TACC3: variants seen among roughly 807,000 people sequenced by gnomAD.
TACC3 encodes the protein transforming acidic coiled-coil-containing protein 3.
A neutral mutation model predicts 86.0 loss-of-function variants in TACC3; 52 were observed. The ratio of observed to expected loss-of-function variants is 0.60; its 90% CI spans 0.48 to 0.76. The LOEUF (loss-of-function observed/expected upper bound fraction) is 0.76. Ranked by LOEUF, TACC3 falls within the 30% of genes least tolerant of loss-of-function variation. The pLI, the probability that TACC3 is intolerant of heterozygous loss-of-function variation, is 0.00. For missense variants in TACC3, 1,120 were observed against 1,070.4 expected (o/e 1.05, Z -0.65); for synonymous variants, 512 against 430.0 (o/e 1.19, Z -2.36).
rs200119142 is a variant in TACC3, at chr4:1,744,807, C to T, written c.2426C>T (p.Ser809Leu). 25 of 1,612,914 alleles carry T rather than the reference C, an allele frequency of 1.5e-5. No individual in the cohort carries two copies. The East Asian group carries it at 4.2e-4, about 27-fold the overall frequency. ...AGGAAGGAGCAGATGCGCATCCAGT[C>T]GCTGGAGAAGACAGTGGAGCAGAAG... is the stretch of plus-strand genomic sequence containing the variant. The part of the protein sequence containing the change: ...SLRKEQMRIQ[S>L]LEKTVEQKTK... The change falls in exon 15 of 16, where the codon TCG becomes TTG. Residue 809 changes from serine to leucine, a missense_variant. By Grantham distance (145) the Ser-to-Leu change is moderately radical (BLOSUM62 -2). Coordinates refer to ENST00000313288, the MANE Select transcript of TACC3 (RefSeq NM_006342.3).
chr4:1,745,054 G>C lies in TACC3; in HGVS notation c.*41G>C. On this transcript the variant is annotated 3_prime_UTR_variant, in exon 16 of 16. Coordinates refer to ENST00000313288, the MANE Select transcript of TACC3 (RefSeq NM_006342.3). ...TGTCCCCGCCCCCCTGCTCCCGTCT[G>C]TCTGTCCTGTCTGATTCTCTTAGGT... is the stretch of plus-strand genomic sequence containing the variant. The C allele has an allele frequency of 6.4e-7, 1 of 1,560,872 alleles. No individual in the cohort carries two copies. The highest frequency in any genetic ancestry group is 1.4e-5 in the African/African-American group (1 of 73,890).
In TACC3 at chr4:1,727,718, A is replaced by G. The variant is rs755493242; in HGVS notation, c.316A>G (p.Ile106Val). ...AGTCTCTTTTAAAAGCCAACAGCTCATCAAGGAAGTGGATGCCAAAACTAC... is the reference window on the plus strand; with the variant it reads ...AGTCTCTTTTAAAAGCCAACAGCTCGTCAAGGAAGTGGATGCCAAAACTAC... ...VWTQKENQQLIKEVDAKTTHG... is the reference protein window; with the variant it reads ...VWTQKENQQLVKEVDAKTTHG... The change falls in exon 4 of 16, where the codon ATC becomes GTC. Residue 106 changes from isoleucine (I) to valine (V), a missense_variant. Ile to Val is a conservative substitution (Grantham distance 29). Coordinates refer to ENST00000313288, the MANE Select transcript of TACC3 (RefSeq NM_006342.3). The G allele has an allele frequency of 5.0e-5, 80 of 1,586,524 alleles. No individual in the cohort carries two copies. In the South Asian group the frequency reaches 8.4e-4, roughly 17 times the overall value.
Position 1,731,275 on chromosome 4 carries a change from A to T in TACC3, c.1565A>T (p.Glu522Val). 1 of 1,613,326 alleles carries T rather than the reference A, an allele frequency of 6.2e-7. No homozygotes were observed. Among genetic ancestry groups the T allele is most frequent in the Non-Finnish European group, 8.5e-7 (1 of 1,180,016 alleles). Residue 522 changes from glutamate (E) to valine (V), a missense_variant, in exon 6 of 16, where the codon GAG becomes GTG. Transcript: ENST00000313288. ...GGGCAGCCTGCCTTGGAGCTGAAAG[A>T]GGAGAGCTTCAGAGACCCCGCTGAG... ...QQGQPALELK[E>V]ESFRDPAEVL... is the part of the protein sequence containing the mutation.
chr4:1,725,561 A>G (rs1329912495), intron 3 of TACC3, among the ~76,000 whole-genome samples: 1 of 152,158 alleles, frequency 6.6e-6, no homozygotes, highest in Non-Finnish European at 1.5e-5. Context: ...CCCAGCTGCC[A>G]TGGGTGTGAT....
intron 6 of TACC3, among the ~76,000 whole-genome samples, chr4:1,733,111 C>G (rs1399242698): frequency 6.6e-6 from 1 of 152,090 alleles, no homozygotes; most frequent in Admixed American, 6.5e-5. Flanking sequence ...TCTTGTTGAT[C>G]CTAGACTTCC....
chr4:1,727,306 G>A (rs761375383), intron 3 of TACC3, among the ~76,000 whole-genome samples: 8 of 152,320 alleles, frequency 5.3e-5, no homozygotes, highest in South Asian at 2.1e-4. Context: ...CTGTGGGCCT[G>A]GGGGCAGACC....
Position 1,739,767 on chromosome 4 carries a change from C to T in TACC3, c.2007C>T (p.Asn669=), listed in dbSNP as rs1473975615. The change falls in exon 11 of 16, where the codon AAC becomes AAT. Residue 669 remains asparagine, a synonymous_variant. Coordinates refer to ENST00000313288, the MANE Select transcript of TACC3 (RefSeq NM_006342.3). The stretch of plus-strand genomic sequence containing the variant: ...GGTGTGAGGAGCTCCACGGGAAGAA[C>T]CTGGAACTGGGGTAAGGAGGCCCCG... ...RSRCEELHGK[N]LELGKIMDRF... 1.3e-6 allele frequency: 2 copies of T among 1,586,028 alleles called. No homozygotes were observed. Among genetic ancestry groups the T allele is most frequent in the Non-Finnish European group, 1.7e-6 (2 of 1,167,252 alleles).
At chr4:1,740,038 C>T (rs773515671) in intron 12 of TACC3, 36 bp downstream of exon 12, 15 of 1,610,206 alleles carry the variant, frequency 9.3e-6, no homozygotes, top group East Asian at 2.2e-5. Flanking sequence ...CGTGCCTCCA[C>T]GAGGGGCTGC....
intron 13 of TACC3, 107 bp downstream of exon 13, chr4:1,741,093 C>T (rs754538577): frequency 1.4e-5 from 16 of 1,105,144 alleles, no homozygotes; most frequent in Admixed American, 2.4e-5. Flanking sequence ...CTTGGCCAAG[C>T]CTCCCCTTGC....
At chr4:1,732,361 C>T (rs560620198) in intron 6 of TACC3, among the ~76,000 whole-genome samples, 2 of 146,626 alleles carry the variant, frequency 1.4e-5, no homozygotes, top group African/African-American at 5.1e-5. Flanking sequence ...TTGGAGGCTG[C>T]AGTTGAATAC....
Position 1,728,318 on chromosome 4 carries a change from A to C in TACC3, c.916A>C (p.Asn306His). The change falls in exon 4 of 16, where the codon AAC becomes CAC. Residue 306 changes from asparagine to histidine, a missense_variant. By Grantham distance (68) the Asn-to-His change is moderately conservative (BLOSUM62 1). Coordinates refer to ENST00000313288, the MANE Select transcript of TACC3 (RefSeq NM_006342.3). ...TGCTCCTGAGAGCACAGCCCCAACC[A>C]ACCACCTGGTGGCTGGCAGGGCCAT... ...TSAPESTAPT[N>H]HLVAGRAMTL... The C allele has an allele frequency of 6.2e-7, 1 of 1,612,972 alleles. No individual in the cohort carries two copies. The highest frequency in any genetic ancestry group is 1.1e-5 in the South Asian group (1 of 91,084).
rs180951565 is a variant in TACC3, at chr4:1,724,540, G to A, written c.305+670G>A. On this transcript the variant is annotated intron_variant, in intron 3 of 15. Transcript: ENST00000313288. ...CGAGTAGCTGGGGCTACAGGCGCCC[G>A]CCGCCACCACTCCCGGCTAATTTTT... is the stretch of plus-strand genomic sequence containing the variant. 3.8e-3 allele frequency among the ~76,000 whole-genome samples: 562 copies of A among 149,108 alleles called. 5 individuals carry two copies. Among genetic ancestry groups the A allele is most frequent in the African/African-American group, 0.013 (536 of 40,490 alleles).
At position 1,722,921 on chromosome 4, in the gene TACC3, G is replaced by A. The variant is rs563096916; in HGVS notation, c.-1-500G>A. Among the ~76,000 whole-genome samples, 188 of 152,236 alleles carry A rather than the reference G, an allele frequency of 1.2e-3. 2 individuals are homozygous for A. Among genetic ancestry groups the A allele is most frequent in the Admixed American group, 1.9e-3 (29 of 15,298 alleles). ...CCTCTCAGCCTGGTCTTGTCCCGCT[G>A]CCTAGCCCGGTGGGAGAGAGCAGAC... On this transcript the variant is annotated intron_variant, in intron 1 of 15. Coordinates refer to ENST00000313288, the MANE Select transcript of TACC3 (RefSeq NM_006342.3).
chr4:1,735,447 A>G lies in TACC3; in HGVS notation c.1644+122A>G, dbSNP rs1372877302. On this transcript the variant is annotated intron_variant, in intron 7 of 15. Transcript: ENST00000313288. The surrounding 1 kb of genome is among the most constrained non-coding windows in gnomAD (Gnocchi z 4.2). ...CCCCCAGCTGCACACAGGCCCAGGC[A>G]TTGTGGCGGGCTGTGAATCCAGGGC... 8.6e-6 allele frequency: 10 copies of G among 1,165,966 alleles called. No homozygotes were observed. The highest frequency in any genetic ancestry group is 1.3e-5 in the Non-Finnish European group (10 of 796,350). The allele number at this position is 1,165,966 out of a possible 1,614,324, so 72.2% of individuals were successfully genotyped here.
intron 13 of TACC3, chr4:1,741,545 T>C (rs1718601395): frequency 6.6e-6 from 1 of 152,316 alleles, no homozygotes; most frequent in Non-Finnish European, 1.5e-5. Flanking sequence ...GCCTGGAAGG[T>C]GCCTGCGAGG....
rs1283750748 is a variant in TACC3, at chr4:1,735,562, C to T, written c.1645-169C>T. Among the ~76,000 whole-genome samples the T allele has an allele frequency of 2.0e-5, 3 of 151,978 alleles. No individual in the cohort carries two copies. Among genetic ancestry groups the T allele is most frequent in the East Asian group, 1.9e-4 (1 of 5,166 alleles). On this transcript the variant is annotated intron_variant, in intron 7 of 15. Coordinates refer to ENST00000313288, the MANE Select transcript of TACC3 (RefSeq NM_006342.3). This position sits in a 1 kb window ranked among gnomAD's most constrained non-coding sequence, Gnocchi z 4.2. The stretch of plus-strand genomic sequence containing the variant: ...CCTAGCCCAGGATGAAACTCTGACA[C>T]GCTGTGCTGCTGGGAATGGTGGTGT...
chr4:1,738,977 AG>A (rs1299425630), intron 10 of TACC3, among the ~76,000 whole-genome samples: 2 of 152,202 alleles, frequency 1.3e-5, no homozygotes, highest in Non-Finnish European at 2.9e-5. Flanking sequence ...ACTAGAAGCA[AG>A]GGGCGAAGAG....
intron 6 of TACC3, among the ~76,000 whole-genome samples, chr4:1,733,754 A>G (rs1718117521): frequency 6.6e-6 from 1 of 152,200 alleles, no homozygotes; most frequent in Non-Finnish European, 1.5e-5. Flanking sequence ...GAGGAGGGCG[A>G]ATCACCTGAG....
rs368146001 is a variant in TACC3 at position 1,744,506 on chromosome 4, G to A, written c.2224-12G>A. 2.5e-6 allele frequency: 4 copies of A among 1,611,086 alleles called. No individual in the cohort carries two copies. In the African/African-American group the frequency reaches 4.0e-5, roughly 16 times the overall value. ...GGCGTGGTACCCACAGCTAATGCCT[G>A]CCCCTTCCTAGAACGAAGAGTCACT... On this transcript the variant is annotated splice_polypyrimidine_tract_variant and intron_variant, in intron 13 of 15. Transcript: ENST00000313288.
Sources: gnomAD v4.1 joint callset for allele counts (sites outside exome capture counted in the v4.1 genomes callset) on GRCh38, gnomAD v4.1.1 for gene constraint, Gnocchi (gnomAD v3.1) non-coding constraint, MANE v1.5 for transcripts, NCBI Gene and HGNC (gene_info 2026-07-23, HGNC 2026-07-21) for gene names.